The following AUTS2 variants were observed in gnomAD, a reference collection of about 807,000 sequenced individuals.
AUTS2 encodes activator of transcription and developmental regulator AUTS2.
AUTS2 carries 17 observed loss-of-function variants against 112.4 expected under a neutral mutation model. The ratio of observed to expected loss-of-function variants is 0.15; its 90% confidence interval spans 0.10 to 0.23. AUTS2 has a LOEUF of 0.23. Among genes scored for constraint, AUTS2 ranks in the 10% least tolerant of loss-of-function variants. The probability of loss-of-function intolerance (pLI) is 1.00; values close to 1 mark genes in which losing one functional copy is unlikely to be tolerated. For synonymous variants in AUTS2, 751 were observed against 702.7 expected (o/e 1.07, Z -1.09); for missense variants, 1,510 against 1,701.6 (o/e 0.89, Z 1.98).
chr7:69,816,120 T>C (rs1398205803), intron 1 of AUTS2, among the ~76,000 whole-genome samples: 4 of 152,158 alleles, frequency 2.6e-5, no homozygotes, highest in African/African-American at 4.8e-5. Flanking sequence ...CCTAGGTTTG[T>C]GTATTCAGGG....
chr7:70,156,957 G>A (rs925501280), intron 4 of AUTS2, among the ~76,000 whole-genome samples: 1 of 134,716 alleles, frequency 7.4e-6, no homozygotes, highest in Admixed American at 8.1e-5. Flanking sequence ...GGCACCTGTA[G>A]TCCCAGCTAC....
intron 4 of AUTS2, among the ~76,000 whole-genome samples, chr7:70,356,384 A>G (rs1171294376): frequency 6.6e-6 from 1 of 152,222 alleles, no homozygotes; most frequent in African/African-American, 2.4e-5. Flanking sequence ...GCTACTAATT[A>G]TTTAATAATA....
intron 4 of AUTS2, among the ~76,000 whole-genome samples, chr7:70,147,891 C>T (rs1332763945): frequency 6.6e-6 from 1 of 151,782 alleles, no homozygotes; most frequent in Non-Finnish European, 1.5e-5. Context: ...CTGTCACCGG[C>T]AGTACCTGTA....
intron 4 of AUTS2, among the ~76,000 whole-genome samples, chr7:70,415,733 G>C (rs1157129883): frequency 1.3e-5 from 2 of 152,138 alleles, no homozygotes; most frequent in Non-Finnish European, 2.9e-5. Context: ...CTATATTGTG[G>C]CTGTCTCAGA....
At chr7:69,770,205 T>A (rs1229923445) in intron 1 of AUTS2, among the ~76,000 whole-genome samples, 3 of 152,222 alleles carry the variant, frequency 2.0e-5, no homozygotes, top group Non-Finnish European at 4.4e-5. Flanking sequence ...TTTTAAAATA[T>A]TAGTTTGATT....
At chr7:69,919,779 G>A (rs1382708221) in intron 2 of AUTS2, among the ~76,000 whole-genome samples, 1 of 152,022 alleles carries the variant, frequency 6.6e-6, no homozygotes, top group African/African-American at 2.4e-5. Context: ...AGAAAAAAAA[G>A]TAGATTAAAA....
At chr7:69,660,725 G>C (rs2129143143) in intron 1 of AUTS2, among the ~76,000 whole-genome samples, 1 of 152,300 alleles carries the variant, frequency 6.6e-6, no homozygotes, top group Non-Finnish European at 1.5e-5. Flanking sequence ...GAGGTCAGGA[G>C]ATCAAGACCT....
At chr7:70,146,070 T>C (rs1464155277) in intron 4 of AUTS2, among the ~76,000 whole-genome samples, 1 of 152,088 alleles carries the variant, frequency 6.6e-6, no homozygotes, top group Non-Finnish European at 1.5e-5. Context: ...TTTATGTAAA[T>C]CTTATAAAAG....
intron 4 of AUTS2, among the ~76,000 whole-genome samples, chr7:70,152,460 T>C (rs1807496095): frequency 6.7e-6 from 1 of 150,296 alleles, no homozygotes; most frequent in Non-Finnish European, 1.5e-5. Context: ...AAAAATGCAC[T>C]GGAGCAACAT....
rs192879622 is a variant in AUTS2 at position 69,988,808 on chromosome 7, C to G, written c.522+89310C>G. 2.8e-3 allele frequency among the ~76,000 whole-genome samples: 429 copies of G among 152,240 alleles called. 1 individual carries two copies. Among genetic ancestry groups the G allele is most frequent in the Non-Finnish European group, 5.2e-3 (356 of 68,030 alleles). ...CTGGCTTCCTGTTTAATTTCCCGTA[C>G]TCGTGGGAGTGATAATACATTAAGC... is the stretch of plus-strand genomic sequence containing the variant. On this transcript the variant is annotated intron_variant, in intron 2 of 18. Transcript: ENST00000342771.
intron 4 of AUTS2, among the ~76,000 whole-genome samples, chr7:70,273,399 T>C (rs1449072572): frequency 6.6e-6 from 1 of 152,170 alleles, no homozygotes; most frequent in Non-Finnish European, 1.5e-5. Flanking sequence ...TAATTTTTTT[T>C]CCAACCCCTT....
chr7:70,236,092 G>C (rs192629203), intron 4 of AUTS2, among the ~76,000 whole-genome samples: 1 of 152,244 alleles, frequency 6.6e-6, no homozygotes, highest in African/African-American at 2.4e-5. Context: ...TCAGGTCCCT[G>C]AAAGTGAGGT....
At chr7:70,425,672 C>T (rs1255351922) in intron 4 of AUTS2, among the ~76,000 whole-genome samples, 1 of 152,220 alleles carries the variant, frequency 6.6e-6, no homozygotes, top group Non-Finnish European at 1.5e-5. Flanking sequence ...GAGGAGTTCA[C>T]TGCCTGCCTG....
intron 4 of AUTS2, among the ~76,000 whole-genome samples, chr7:70,183,303 G>A (rs1017702681): frequency 3.3e-5 from 5 of 152,186 alleles, no homozygotes; most frequent in African/African-American, 1.2e-4. Flanking sequence ...TTAGAGAAAT[G>A]CCTAGAGAGA....
intron 1 of AUTS2, among the ~76,000 whole-genome samples, chr7:69,788,555 A>G (rs1789477489): frequency 1.3e-5 from 2 of 152,310 alleles, no homozygotes; most frequent in South Asian, 4.1e-4. Flanking sequence ...CACTTTTCTA[A>G]AGTCCTTACA....
chr7:69,821,422 C>T (rs1222397225), intron 1 of AUTS2, among the ~76,000 whole-genome samples: 1 of 150,066 alleles, frequency 6.7e-6, no homozygotes, highest in Non-Finnish European at 1.5e-5. Context: ...CCAGTCAGTG[C>T]TCTGTAAAAT....
intron 1 of AUTS2, among the ~76,000 whole-genome samples, chr7:69,602,034 ATATATATGTGTGTGTGTGTG>A (rs1792448354): frequency 4.6e-5 from 6 of 131,256 alleles, no homozygotes; most frequent in African/African-American, 1.5e-4. Flanking sequence ...ATATATATAT[ATATATATGTGTGTGTGTGTG>A]TGTGTGTGTG....
At chr7:69,890,386 C>T (rs1010144712) in intron 1 of AUTS2, among the ~76,000 whole-genome samples, 1 of 152,168 alleles carries the variant, frequency 6.6e-6, no homozygotes, top group Non-Finnish European at 1.5e-5. Context: ...GCAGCATTGA[C>T]AGGTGCCTTT....
chr7:69,644,513 A>C (rs1486234641), intron 1 of AUTS2, among the ~76,000 whole-genome samples: 1 of 152,038 alleles, frequency 6.6e-6, no homozygotes, highest in Non-Finnish European at 1.5e-5. Context: ...AAAAAAAAAA[A>C]ACTTTTAAAG....
Sources: allele counts gnomAD v4.1 joint callset (sites outside exome capture counted in the v4.1 genomes callset), GRCh38; gene constraint gnomAD v4.1.1; transcripts MANE v1.5; gene names NCBI Gene and HGNC (gene_info 2026-07-23, HGNC 2026-07-21).